The following OBI1 variants were observed in gnomAD, a reference collection of about 807,000 sequenced individuals.
The protein encoded by OBI1 is ORC ubiquitin ligase 1.
OBI1 carries 59 observed loss-of-function variants against 62.4 expected under a neutral mutation model. The observed-to-expected ratio is 0.95, with a 90% CI of 0.77 to 1.17. OBI1 has a LOEUF of 1.17. OBI1 is among the 50% of genes most tolerant of loss of function. The probability of loss-of-function intolerance (pLI) is 0.00; values close to 1 mark genes in which losing one functional copy is unlikely to be tolerated. For synonymous variants in OBI1, 302 were observed against 292.8 expected (o/e 1.03, Z -0.32); for missense variants, 875 against 830.9 (o/e 1.05, Z -0.65).
chr13:78,654,743 AT>A (rs1301486220), intron 1 of OBI1, among the ~76,000 whole-genome samples: 1 of 152,220 alleles, frequency 6.6e-6, no homozygotes, highest in Non-Finnish European at 1.5e-5. Context: ...AAGGAAGCTG[AT>A]TTCATTTCTG....
intron 4 of OBI1, among the ~76,000 whole-genome samples, chr13:78,636,878 C>T (rs572898108): frequency 2.0e-5 from 3 of 152,234 alleles, no homozygotes; most frequent in African/African-American, 7.2e-5. Context: ...CCTTCCCTGC[C>T]CCCCACCACT....
intron 1 of OBI1, among the ~76,000 whole-genome samples, chr13:78,658,056 T>C (rs1876761226): frequency 6.6e-6 from 1 of 152,214 alleles, no homozygotes; most frequent in South Asian, 2.1e-4. Context: ...ATCCAGTAAA[T>C]TCACACAGAA....
intron 5 of OBI1, among the ~76,000 whole-genome samples, chr13:78,625,207 G>T (rs1346904561): frequency 6.6e-6 from 1 of 152,080 alleles, no homozygotes; most frequent in East Asian, 1.9e-4. Context: ...ATTTCTAAGA[G>T]AAATTAAAGG....
chr13:78,655,475 T>G (rs1332997407), intron 1 of OBI1, among the ~76,000 whole-genome samples: 1 of 152,118 alleles, frequency 6.6e-6, no homozygotes, highest in African/African-American at 2.4e-5. Flanking sequence ...AAAACATTAT[T>G]GGGTAGAGAA....
intron 3 of OBI1, among the ~76,000 whole-genome samples, chr13:78,641,386 TTTTGAGGCA>T (rs1243958134): frequency 6.6e-6 from 1 of 152,142 alleles, no homozygotes; most frequent in East Asian, 1.9e-4. Flanking sequence ...TTCCAAAAAT[TTTTGAGGCA>T]GTTGAGGCAC....
At chr13:78,635,576 T>C (rs1426515182) in intron 4 of OBI1, among the ~76,000 whole-genome samples, 2 of 152,198 alleles carry the variant, frequency 1.3e-5, no homozygotes, top group Non-Finnish European at 2.9e-5. Context: ...AAACTAATGC[T>C]GAAGAGTTAA....
At chr13:78,636,827 G>A (rs945485135) in intron 4 of OBI1, among the ~76,000 whole-genome samples, 1 of 152,182 alleles carries the variant, frequency 6.6e-6, no homozygotes, top group African/African-American at 2.4e-5. Context: ...TTTTGATGAT[G>A]ATGACAAGCT....
intron 3 of OBI1, 134 bp from the exon 4 acceptor site, chr13:78,639,205 A>T (rs891926029): frequency 1.2e-6 from 1 of 832,798 alleles, no homozygotes; most frequent in Admixed American, 3.3e-5. Context: ...ACATATCAAA[A>T]GAGTTTTGCA....
At chr13:78,654,717 G>A (rs1876644807) in intron 1 of OBI1, among the ~76,000 whole-genome samples, 1 of 152,198 alleles carries the variant, frequency 6.6e-6, no homozygotes, top group South Asian at 2.1e-4. Flanking sequence ...CCAAGACACA[G>A]GAACTCCTGC....
chr13:78,655,738 G>A (rs1273733688), intron 1 of OBI1, among the ~76,000 whole-genome samples: 1 of 152,090 alleles, frequency 6.6e-6, no homozygotes, highest in Non-Finnish European at 1.5e-5. Context: ...GTGAGATCTG[G>A]GGACATATGG....
intron 3 of OBI1, among the ~76,000 whole-genome samples, chr13:78,641,105 GGTT>G (rs1272484026): frequency 1.3e-5 from 2 of 152,034 alleles, no homozygotes; most frequent in Non-Finnish European, 2.9e-5. Flanking sequence ...CTTAAATTGA[GGTT>G]GTTAAAAATT....
In OBI1 at chr13:78,615,763, T is replaced by C. The variant is rs1875249828; in HGVS notation, c.1998A>G (p.Gln666=). The C allele has an allele frequency of 6.2e-7, 1 of 1,613,808 alleles. No individual in the cohort carries two copies. The highest frequency in any genetic ancestry group is 1.3e-5 in the African/African-American group (1 of 74,910). The change falls in exon 6 of 6, where the codon CAA becomes CAG. Residue 666 remains glutamine, a synonymous_variant. Transcript: ENST00000282003. ...TCTTAAACAAAGATGACCCAAATCTTTGATCTTCAAATAGTCGATGTGAAC... is the reference window on the plus strand; with the variant it reads ...TCTTAAACAAAGATGACCCAAATCTCTGATCTTCAAATAGTCGATGTGAAC... The part of the protein sequence containing the change: ...LSSSHRLFED[Q]RFGSSLFKMS...
At chr13:78,658,887 C>T (rs568958229) in intron 1 of OBI1, among the ~76,000 whole-genome samples, 162 bp downstream of exon 1, 3 of 152,280 alleles carry the variant, frequency 2.0e-5, no homozygotes, top group Admixed American at 6.5e-5. Context: ...GTGCGCTACC[C>T]CCATCTCCCA....
Position 78,616,467 on chromosome 13 carries a change from A to C in OBI1, c.1294T>G (p.Cys432Gly). The C allele has an allele frequency of 1.9e-6, 3 of 1,614,104 alleles. No individual in the cohort carries two copies. Among genetic ancestry groups the C allele is most frequent in the Non-Finnish European group, 1.7e-6 (2 of 1,180,018 alleles). ...TTATTAGAAACATTTGAAGAATCACAAAAATCATCAAACACCAATTTTCTG... is the reference window on the plus strand; with the variant it reads ...TTATTAGAAACATTTGAAGAATCACCAAAATCATCAAACACCAATTTTCTG... ...HLRKLVFDDF[C>G]DSSNVSNKDS... The change falls in exon 6 of 6, where the codon TGT (cysteine) becomes GGT (glycine). Residue 432 changes from cysteine to glycine, a missense_variant. By Grantham distance (159) the Cys-to-Gly change is radical. Coordinates refer to ENST00000282003, the MANE Select transcript of OBI1 (RefSeq NM_024546.4).
At chr13:78,628,968 G>A (rs904940646) in intron 5 of OBI1, among the ~76,000 whole-genome samples, 4 of 151,922 alleles carry the variant, frequency 2.6e-5, no homozygotes, top group African/African-American at 9.7e-5. Context: ...AATTATTAAA[G>A]CCCTAAGCTA....
chr13:78,641,460 T>C (rs1876213708), intron 3 of OBI1, among the ~76,000 whole-genome samples: 1 of 152,146 alleles, frequency 6.6e-6, no homozygotes, highest in Non-Finnish European at 1.5e-5. Context: ...GGGATCGATA[T>C]CTCCTTCTTC....
intron 1 of OBI1, among the ~76,000 whole-genome samples, chr13:78,646,438 T>C (rs1017607912): frequency 6.6e-6 from 1 of 152,228 alleles, no homozygotes; most frequent in Non-Finnish European, 1.5e-5. Context: ...AATGATTTAA[T>C]ATTTTTTGAA....
chr13:78,651,392 T>C (rs1005495864), intron 1 of OBI1, among the ~76,000 whole-genome samples: 2 of 152,338 alleles, frequency 1.3e-5, no homozygotes, highest in South Asian at 2.1e-4. Flanking sequence ...TAGTTCGAGG[T>C]ATAGCCTTCA....
rs772846325 is a variant in OBI1, at chr13:78,617,058, G to T, written c.703C>A (p.Arg235Ser). The T allele has an allele frequency of 2.5e-6, 4 of 1,611,578 alleles. No homozygotes were observed. In the Admixed American group the frequency reaches 5.0e-5, roughly 20 times the overall value. The change falls in exon 6 of 6, where the codon CGC (arginine) becomes AGC (serine). Residue 235 changes from arginine (R) to serine (S), a missense_variant. Arg to Ser is a moderately radical substitution (Grantham distance 110, BLOSUM62 -1). Coordinates refer to ENST00000282003, the MANE Select transcript of OBI1 (RefSeq NM_024546.4). Reference protein sequence around the residue: ...KVEQYERETNRLKKALERSDK... With the variant: ...KVEQYERETNSLKKALERSDK... ...CTTCGTTCCAGGGCTTTCTTGAGGC[G>T]ATTGGTTTCACGCTCATACTGTTCT...
Sources: allele counts gnomAD v4.1 joint callset (sites outside exome capture counted in the v4.1 genomes callset), GRCh38; gene constraint gnomAD v4.1.1; transcripts MANE v1.5; gene names NCBI Gene and HGNC (gene_info 2026-07-23, HGNC 2026-07-21).